The following FSTL5 variants were observed in gnomAD, a reference collection of about 807,000 sequenced individuals.
The protein encoded by FSTL5 is follistatin-related protein 5.
FSTL5 carries 62 observed loss-of-function variants against 89.1 expected under a neutral mutation model. The ratio of observed to expected loss-of-function variants is 0.70; its 90% CI spans 0.57 to 0.86. The LOEUF (loss-of-function observed/expected upper bound fraction) is 0.86, where lower values mean the gene tolerates loss of function less well. Among genes scored for constraint, FSTL5 ranks in the 40% least tolerant of loss-of-function variants. FSTL5 has a pLI of 0.00. For synonymous variants in FSTL5, 383 were observed against 346.2 expected (o/e 1.11, Z -1.18); for missense variants, 1,057 against 1,001.6 (o/e 1.06, Z -0.75).
intron 4 of FSTL5, among the ~76,000 whole-genome samples, chr4:161,903,079 T>G (rs1375657821): frequency 6.6e-6 from 1 of 152,196 alleles, no homozygotes; most frequent in African/African-American, 2.4e-5. Flanking sequence ...TTTTCAAGAC[T>G]TTTGAAATGT....
intron 15 of FSTL5, among the ~76,000 whole-genome samples, chr4:161,417,685 C>G (rs1212840201): frequency 1.3e-5 from 2 of 152,018 alleles, no homozygotes; most frequent in Admixed American, 1.3e-4. Flanking sequence ...CTGTAAGATA[C>G]GAATATAAAT....
chr4:161,461,035 C>T (rs974193995), intron 13 of FSTL5, among the ~76,000 whole-genome samples: 5 of 150,966 alleles, frequency 3.3e-5, no homozygotes, highest in African/African-American at 4.9e-5. Flanking sequence ...ATACTCCATT[C>T]CATCAACAGA....
chr4:161,591,921 G>A (rs1056003795), intron 7 of FSTL5, among the ~76,000 whole-genome samples: 2 of 152,180 alleles, frequency 1.3e-5, no homozygotes, highest in Admixed American at 6.6e-5. Flanking sequence ...GCTAGGATTG[G>A]AAACCAGGTA....
intron 15 of FSTL5, among the ~76,000 whole-genome samples, chr4:161,428,502 G>T (rs575383593): frequency 7.9e-5 from 12 of 152,194 alleles, no homozygotes; most frequent in Non-Finnish European, 1.6e-4. Context: ...AATTAAAAAG[G>T]ACTTCGTCTT....
At chr4:162,055,688 A>C (rs2111267750) in intron 2 of FSTL5, among the ~76,000 whole-genome samples, 1 of 152,006 alleles carries the variant, frequency 6.6e-6, no homozygotes, top group African/African-American at 2.4e-5. Context: ...CTGATAAAAC[A>C]ATTTTGGAGA....
chr4:161,997,601 C>CTTTTTTTT (rs60978465), intron 3 of FSTL5, among the ~76,000 whole-genome samples: 1 of 129,320 alleles, frequency 7.7e-6, no homozygotes, highest in Non-Finnish European at 1.6e-5. Flanking sequence ...TACATGTTAT[C>CTTTTTTTT]TTTTTTTTTT....
intron 7 of FSTL5, among the ~76,000 whole-genome samples, chr4:161,639,794 T>C (rs1735882958): frequency 6.6e-6 from 1 of 152,092 alleles, no homozygotes. Context: ...GGGGATCCTG[T>C]CATTGAAATA....
intron 9 of FSTL5, among the ~76,000 whole-genome samples, chr4:161,538,883 C>T (rs1731724457): frequency 6.6e-6 from 1 of 152,096 alleles, no homozygotes. Context: ...CCTGCCTCAG[C>T]TTCCTGAGTA....
At chr4:161,503,317 A>G (rs1475179651) in intron 11 of FSTL5, among the ~76,000 whole-genome samples, 1 of 151,830 alleles carries the variant, frequency 6.6e-6, no homozygotes, top group African/African-American at 2.4e-5. Flanking sequence ...GTGACATGAT[A>G]TATAACCAGA....
chr4:161,713,738 AT>A lies in FSTL5; in HGVS notation c.727+45672del, dbSNP rs150376013. On this transcript the variant is annotated intron_variant, in intron 6 of 15. Transcript: ENST00000306100. ...TTCTCTATATGGTGTTTTATAATTA[AT>A]TTTTTTCTTAACATTACAAAATAGG... 7.1e-3 allele frequency among the ~76,000 whole-genome samples: 1,080 copies of A among 151,862 alleles called. 15 individuals carry two copies. Among genetic ancestry groups the A allele is most frequent in the African/African-American group, 0.025 (1,016 of 41,422 alleles).
chr4:161,667,784 A>G (rs1414920598), intron 6 of FSTL5, among the ~76,000 whole-genome samples: 4 of 152,090 alleles, frequency 2.6e-5, no homozygotes, highest in Non-Finnish European at 4.4e-5. Context: ...CCATCTTGTG[A>G]TCATGAATGG....
At chr4:161,576,292 C>A (rs1199749163) in intron 8 of FSTL5, among the ~76,000 whole-genome samples, 1 of 152,124 alleles carries the variant, frequency 6.6e-6, no homozygotes, top group Non-Finnish European at 1.5e-5. Flanking sequence ...TTACCATTGA[C>A]TTTCTTCACG....
intron 15 of FSTL5, among the ~76,000 whole-genome samples, chr4:161,439,582 C>T (rs1321728551): frequency 2.0e-5 from 3 of 152,144 alleles, no homozygotes; most frequent in Admixed American, 2.0e-4. Context: ...ATTACAAACA[C>T]AGATAAAACA....
chr4:161,886,619 T>G (rs1258875045), intron 4 of FSTL5, among the ~76,000 whole-genome samples: 1 of 152,222 alleles, frequency 6.6e-6, no homozygotes, highest in East Asian at 1.9e-4. Context: ...TTGAATAGAC[T>G]ACAGAGTAGA....
intron 4 of FSTL5, among the ~76,000 whole-genome samples, chr4:161,906,075 GAAT>G (rs1297289983): frequency 6.6e-6 from 1 of 152,004 alleles, no homozygotes; most frequent in African/African-American, 2.4e-5. Context: ...CTGATATCAG[GAAT>G]AATAACCATA....
At chr4:162,028,888 G>A (rs764745303) in intron 3 of FSTL5, among the ~76,000 whole-genome samples, 4 of 152,118 alleles carry the variant, frequency 2.6e-5, no homozygotes, top group Non-Finnish European at 5.9e-5. Flanking sequence ...TGACCTTGAA[G>A]TAGTGAGCCA....
intron 3 of FSTL5, among the ~76,000 whole-genome samples, chr4:161,986,435 C>T (rs1027761698): frequency 4.6e-5 from 7 of 152,076 alleles, no homozygotes; most frequent in Non-Finnish European, 7.4e-5. Flanking sequence ...GCCTATAATC[C>T]CATTTACTCA....
chr4:161,657,245 T>C (rs776625610), intron 6 of FSTL5, among the ~76,000 whole-genome samples: 3 of 152,226 alleles, frequency 2.0e-5, no homozygotes, highest in Admixed American at 1.3e-4. Context: ...AACTGTATCA[T>C]TGTCAATTTT....
At chr4:161,889,444 G>A (rs1732917846) in intron 4 of FSTL5, among the ~76,000 whole-genome samples, 1 of 152,056 alleles carries the variant, frequency 6.6e-6, no homozygotes, top group Admixed American at 6.5e-5. Flanking sequence ...AGGAGTTCGA[G>A]ACCAGCCTGG....
Sources: gnomAD v4.1 joint callset for allele counts (sites outside exome capture counted in the v4.1 genomes callset) on GRCh38, gnomAD v4.1.1 for gene constraint, MANE v1.5 for transcripts, NCBI Gene and HGNC (gene_info 2026-07-23, HGNC 2026-07-21) for gene names.